Variants in ADGRB3 observed in about 807,000 individuals in gnomAD.
ADGRB3 encodes the protein adhesion G protein-coupled receptor B3.
In ADGRB3, 37 loss-of-function variants were observed where a neutral mutation model predicts 193.4. The observed-to-expected ratio is 0.19, with a 90% CI of 0.15 to 0.25. The LOEUF is 0.25. Among genes scored for constraint, ADGRB3 ranks in the 10% least tolerant of loss-of-function variants. ADGRB3 has a pLI of 1.00. For missense variants in ADGRB3, 1,637 were observed against 1,852.9 expected (o/e 0.88, Z 2.14); for synonymous variants, 690 against 644.2 (o/e 1.07, Z -1.08).
chr6:69,038,348 A>C (rs1050762802), intron 13 of ADGRB3, among the ~76,000 whole-genome samples: 3 of 151,816 alleles, frequency 2.0e-5, no homozygotes, highest in African/African-American at 7.3e-5. Context: ...ACACACACAC[A>C]CACCACAGTG....
intron 3 of ADGRB3, among the ~76,000 whole-genome samples, chr6:68,781,862 A>G (rs948005906): frequency 6.6e-6 from 1 of 152,212 alleles, no homozygotes; most frequent in African/African-American, 2.4e-5. Context: ...CCAAGAAAAC[A>G]TAGCTTCAGT....
intron 3 of ADGRB3, among the ~76,000 whole-genome samples, chr6:68,786,687 G>C (rs1766978716): frequency 6.6e-6 from 1 of 151,354 alleles, no homozygotes; most frequent in Non-Finnish European, 1.5e-5. Flanking sequence ...CCAATTCTGT[G>C]AAGAAAGTCA....
At chr6:68,889,494 TC>T (rs1766010495) in intron 3 of ADGRB3, among the ~76,000 whole-genome samples, 1 of 125,710 alleles carries the variant, frequency 8.0e-6, no homozygotes, top group Non-Finnish European at 1.6e-5. Flanking sequence ...TCCTTTTTTT[TC>T]TTTTCTCTTT....
intron 10 of ADGRB3, among the ~76,000 whole-genome samples, chr6:68,987,572 C>G (rs1402719992): frequency 6.6e-6 from 1 of 152,026 alleles, no homozygotes; most frequent in Non-Finnish European, 1.5e-5. Flanking sequence ...TTGACAATTT[C>G]TAATGAAAGC....
At chr6:69,280,838 T>G (rs1767418926) in intron 20 of ADGRB3, among the ~76,000 whole-genome samples, 1 of 152,066 alleles carries the variant, frequency 6.6e-6, no homozygotes, top group African/African-American at 2.4e-5. Flanking sequence ...TACATGCTTC[T>G]GTAACTACAA....
At chr6:69,146,951 C>T (rs201761606) in intron 17 of ADGRB3, among the ~76,000 whole-genome samples, 11 of 150,816 alleles carry the variant, frequency 7.3e-5, no homozygotes, top group Admixed American at 1.3e-4. Context: ...ATATAGTTGC[C>T]GACAGTAGCC....
chr6:68,943,585 G>T lies in ADGRB3; in HGVS notation c.1031-245G>T, dbSNP rs574629868. ...GCATTTCCATTAAACACAAGGAAAGGTTTAAAATTTATGACATGAATTACT... is the reference window on the plus strand; with the variant it reads ...GCATTTCCATTAAACACAAGGAAAGTTTTAAAATTTATGACATGAATTACT... On this transcript the variant is annotated intron_variant, in intron 5 of 31. Transcript: ENST00000370598. Among the ~76,000 whole-genome samples the T allele has an allele frequency of 2.1e-4, 32 of 152,128 alleles. No individual in the cohort carries two copies. The South Asian group carries it at 6.0e-3, about 29-fold the overall frequency.
chr6:68,908,344 T>C (rs965640143), intron 3 of ADGRB3, among the ~76,000 whole-genome samples: 9 of 152,110 alleles, frequency 5.9e-5, no homozygotes, highest in African/African-American at 2.2e-4. Flanking sequence ...TCTAGTAACC[T>C]TCTGAACGCC....
intron 13 of ADGRB3, among the ~76,000 whole-genome samples, chr6:69,034,771 T>C (rs1770818505): frequency 6.6e-6 from 1 of 151,754 alleles, no homozygotes; most frequent in African/African-American, 2.4e-5. Flanking sequence ...GTCAAAACCA[T>C]CACTCATTTA....
intron 5 of ADGRB3, among the ~76,000 whole-genome samples, chr6:68,937,609 G>A (rs1767516677): frequency 1.3e-5 from 2 of 152,196 alleles, no homozygotes; most frequent in Admixed American, 1.3e-4. Context: ...CACTGCGGCA[G>A]CCTTTCATCT....
At chr6:69,183,975 A>C (rs1034307188) in intron 17 of ADGRB3, among the ~76,000 whole-genome samples, 2 of 152,152 alleles carry the variant, frequency 1.3e-5, no homozygotes, top group Non-Finnish European at 2.9e-5. Context: ...AAGCTGAAAT[A>C]AAATAAAGTT....
chr6:68,726,998 C>G (rs573276239), intron 3 of ADGRB3, among the ~76,000 whole-genome samples: 3 of 151,600 alleles, frequency 2.0e-5, no homozygotes, highest in African/African-American at 7.2e-5. Flanking sequence ...CTTCACATGG[C>G]TTTTTGAAAT....
intron 11 of ADGRB3, among the ~76,000 whole-genome samples, chr6:69,004,441 T>C (rs376575132): frequency 6.6e-6 from 1 of 152,106 alleles, no homozygotes; most frequent in Non-Finnish European, 1.5e-5. Flanking sequence ...TACTTTAAGT[T>C]CTAGGGTACA....
rs908369982 is a variant in ADGRB3, at chr6:68,904,151, G to A, written c.758-26408G>A. Among the ~76,000 whole-genome samples, 15 of 150,260 alleles carry A rather than the reference G, an allele frequency of 1.0e-4. 1 individual carries two copies. Among genetic ancestry groups the A allele is most frequent in the Admixed American group, 1.0e-3 (15 of 15,040 alleles). ...GAAGGAAGGAAGGAAGGGTGAAAGG[G>A]AGGTATTTGGGCATGAAAATATTCA... On this transcript the variant is annotated intron_variant, in intron 3 of 31. Transcript: ENST00000370598.
chr6:68,769,596 G>T (rs1766576451), intron 3 of ADGRB3, among the ~76,000 whole-genome samples: 1 of 152,068 alleles, frequency 6.6e-6, no homozygotes, highest in South Asian at 2.1e-4. Flanking sequence ...TAGGTGATGG[G>T]TTGATGGGTG....
At chr6:69,076,787 A>G (rs1244689166) in intron 17 of ADGRB3, among the ~76,000 whole-genome samples, 2 of 151,948 alleles carry the variant, frequency 1.3e-5, no homozygotes, top group Non-Finnish European at 2.9e-5. Context: ...AGGGGAGATA[A>G]ATATCAATCA....
chr6:69,063,282 CT>C (rs775248908), intron 16 of ADGRB3, among the ~76,000 whole-genome samples: 1 of 151,764 alleles, frequency 6.6e-6, no homozygotes, highest in African/African-American at 2.4e-5. Flanking sequence ...TTATTCTATG[CT>C]TTTTTCATGA....
At chr6:68,652,125 C>G (rs1768380414) in intron 3 of ADGRB3, among the ~76,000 whole-genome samples, 1 of 152,202 alleles carries the variant, frequency 6.6e-6, no homozygotes. Flanking sequence ...AAGTCTTCAG[C>G]TTTCTCTATG....
At chr6:68,880,587 C>A (rs1765706106) in intron 3 of ADGRB3, among the ~76,000 whole-genome samples, 1 of 152,152 alleles carries the variant, frequency 6.6e-6, no homozygotes, top group Admixed American at 6.5e-5. Flanking sequence ...CTAATTCATA[C>A]TACAGCGTAA....
Sources: allele counts gnomAD v4.1 joint callset (sites outside exome capture counted in the v4.1 genomes callset), GRCh38; gene constraint gnomAD v4.1.1; transcripts MANE v1.5; gene names NCBI Gene and HGNC (gene_info 2026-07-23, HGNC 2026-07-21).